CLVS1: variants seen among roughly 807,000 people sequenced by gnomAD.
The protein encoded by CLVS1 is clavesin 1, also known as clavesin-1.
A neutral mutation model predicts 33.1 loss-of-function variants in CLVS1; 10 were observed. The ratio of observed to expected loss-of-function variants is 0.30; its 90% confidence interval spans 0.19 to 0.51. The LOEUF is 0.51. Among genes scored for constraint, CLVS1 ranks in the 20% least tolerant of loss-of-function variants. The probability of loss-of-function intolerance (pLI) is 0.97; values close to 1 mark genes in which losing one functional copy is unlikely to be tolerated. For synonymous variants in CLVS1, 163 were observed against 166.1 expected, an observed-to-expected ratio of 0.98 and a Z score of 0.14; for missense variants, 343 against 433.4, an observed-to-expected ratio of 0.79 and a Z score of 1.85.
At chr8:61,483,164 G>T (rs949293833) in intron 5 of CLVS1, among the ~76,000 whole-genome samples, 1 of 152,068 alleles carries the variant, frequency 6.6e-6, no homozygotes, top group Admixed American at 6.5e-5. Flanking sequence ...CTGGTTTTTT[G>T]AAAAGATCAA....
intron 5 of CLVS1, among the ~76,000 whole-genome samples, chr8:61,490,158 A>C (rs1437049456): frequency 6.6e-6 from 1 of 151,866 alleles, no homozygotes; most frequent in African/African-American, 2.4e-5. Flanking sequence ...TCTACTAAAA[A>C]TAAAAAATTA....
intron 3 of CLVS1, among the ~76,000 whole-genome samples, chr8:61,434,026 G>A (rs571202722): frequency 2.0e-5 from 3 of 152,156 alleles, no homozygotes; most frequent in Admixed American, 6.5e-5. Context: ...ATTGGGTGAA[G>A]TCTGGTAGGA....
At chr8:60,995,835 A>T in the CLVS1 span, among the ~76,000 whole-genome samples, 1 of 152,254 alleles carries the variant, frequency 6.6e-6, no homozygotes, top group Non-Finnish European at 1.5e-5. Flanking sequence ...TGAAGCCATA[A>T]AAAATGATGA....
At chr8:60,991,288 T>C in the CLVS1 span, among the ~76,000 whole-genome samples, 18 of 152,322 alleles carry the variant, frequency 1.2e-4, no homozygotes, top group Middle Eastern at 3.4e-3. Flanking sequence ...ATCTCTAGTC[T>C]TGTTTGCTCT....
intron 2 of CLVS1, among the ~76,000 whole-genome samples, chr8:61,329,932 A>G (rs1190792632): frequency 4.6e-5 from 7 of 152,126 alleles, no homozygotes. Context: ...CCTTGCCATT[A>G]GCTTTAGACT....
intron 2 of CLVS1, among the ~76,000 whole-genome samples, chr8:61,282,605 G>T (rs533490905): frequency 6.6e-6 from 1 of 152,168 alleles, no homozygotes; most frequent in African/African-American, 2.4e-5. Flanking sequence ...CTGGAAAAAT[G>T]GGAACAATAC....
chr8:61,214,504 A>G (rs1242855876), intron 2 of CLVS1, among the ~76,000 whole-genome samples: 1 of 152,212 alleles, frequency 6.6e-6, no homozygotes, highest in Non-Finnish European at 1.5e-5. Flanking sequence ...CCCAATAGAC[A>G]TAGATATGCA....
In CLVS1 at chr8:61,346,857, C is replaced by A. The variant is rs567501338; in HGVS notation, c.456-29748C>A. Among the ~76,000 whole-genome samples, 5 of 152,190 alleles carry A rather than the reference C, an allele frequency of 3.3e-5. No individual in the cohort carries two copies. The South Asian group carries it at 1.0e-3, about 32-fold the overall frequency. ...GAACAGGGTGCCAATGAATGGAAAG[C>A]AATTGTTGCAGATCTACTCTGAGGC... On this transcript the variant is annotated intron_variant, in intron 2 of 5. Coordinates refer to ENST00000325897, the MANE Select transcript of CLVS1 (RefSeq NM_173519.3).
chr8:61,263,529 T>C (rs531538971), intron 2 of CLVS1, among the ~76,000 whole-genome samples: 9 of 152,344 alleles, frequency 5.9e-5, no homozygotes, highest in African/African-American at 2.2e-4. Flanking sequence ...TAATCCATGA[T>C]GTACTGAGAT....
At chr8:61,125,503 C>T (rs1455721737) in intron 1 of CLVS1, among the ~76,000 whole-genome samples, 1 of 152,158 alleles carries the variant, frequency 6.6e-6, no homozygotes, top group Non-Finnish European at 1.5e-5. Flanking sequence ...TCTCACTTAG[C>T]TCAAACTGAC....
In CLVS1 at chr8:61,300,608, C is replaced by CA. The variant is rs576318830; in HGVS notation, c.455+331dup. On this transcript the variant is annotated intron_variant, in intron 2 of 5. Transcript: ENST00000325897. The stretch of plus-strand genomic sequence containing the variant: ...GGTGTTCTCATCTTTAATAAGAAAA[C>CA]AAAAATGGAGTTAGTAGATGGCTTA... 3.4e-3 allele frequency: 701 copies of CA among 204,756 alleles called. 1 individual carries two copies. Among genetic ancestry groups the CA allele is most frequent in the Admixed American group, 6.3e-3 (116 of 18,386 alleles). 12.7% of individuals were successfully genotyped at this position (204,756 alleles called of 1,614,324 possible). A position where few individuals can be genotyped will look rare whatever the true frequency, so the allele number is the denominator to read the frequency against.
chr8:61,198,254 A>C (rs1283563172), intron 2 of CLVS1, among the ~76,000 whole-genome samples: 1 of 152,128 alleles, frequency 6.6e-6, no homozygotes, highest in African/African-American at 2.4e-5. Context: ...TTTTGTTTTT[A>C]ATATTTAAAT....
intron 2 of CLVS1, among the ~76,000 whole-genome samples, chr8:61,160,549 T>C (rs1230955059): frequency 6.6e-6 from 1 of 152,198 alleles, no homozygotes; most frequent in Non-Finnish European, 1.5e-5. Flanking sequence ...CTCAGGGCCT[T>C]AGAGTATCCC....
chr8:61,267,678 C>T (rs913747998), intron 2 of CLVS1, among the ~76,000 whole-genome samples: 1 of 152,168 alleles, frequency 6.6e-6, no homozygotes, highest in Non-Finnish European at 1.5e-5. Context: ...CTAATCTAAG[C>T]ATCCTTCTCA....
chr8:61,260,710 C>T (rs533499085), intron 2 of CLVS1, among the ~76,000 whole-genome samples: 1 of 152,186 alleles, frequency 6.6e-6, no homozygotes, highest in Non-Finnish European at 1.5e-5. Flanking sequence ...TATTGACAGG[C>T]TCCTAGGGCC....
chr8:61,290,169 T>G (rs1370818446), intron 1 of CLVS1, among the ~76,000 whole-genome samples: 1 of 152,222 alleles, frequency 6.6e-6, no homozygotes, highest in African/African-American at 2.4e-5. Flanking sequence ...CCTCTAGAGC[T>G]TCTGTCTTCC....
chr8:61,425,188 A>T (rs28413983), intron 3 of CLVS1, among the ~76,000 whole-genome samples: 3,656 of 152,294 alleles, frequency 0.024, 158 homozygotes, highest in African/African-American at 0.084. Context: ...CAATCCTCTG[A>T]TACACAAAAT....
At chr8:61,480,165 T>C (rs1818129788) in intron 5 of CLVS1, among the ~76,000 whole-genome samples, 1 of 152,262 alleles carries the variant, frequency 6.6e-6, no homozygotes, top group Non-Finnish European at 1.5e-5. Flanking sequence ...TGTTTGTCTG[T>C]GCCCTGCCCC....
At chr8:61,497,167 T>C (rs1351406159) in intron 5 of CLVS1, among the ~76,000 whole-genome samples, 2 of 152,142 alleles carry the variant, frequency 1.3e-5, no homozygotes, top group Non-Finnish European at 2.9e-5. Context: ...ATTTTGATAA[T>C]GTCTTCCTAA....
Sources: allele counts gnomAD v4.1 joint callset (sites outside exome capture counted in the v4.1 genomes callset), GRCh38; gene constraint gnomAD v4.1.1; transcripts MANE v1.5; gene names NCBI Gene and HGNC (gene_info 2026-07-23, HGNC 2026-07-21).